SEMA3A: variants seen among roughly 807,000 people sequenced by gnomAD.
SEMA3A encodes the protein semaphorin 3A, also known as semaphorin-3A.
In SEMA3A, 29 loss-of-function variants were observed where a neutral mutation model predicts 97.9. That is an observed-to-expected ratio of 0.30 (90% CI 0.22 to 0.40). The LOEUF is 0.40. Among genes scored for constraint, SEMA3A ranks in the 10% least tolerant of loss-of-function variants. The pLI is 1.00. For synonymous variants in SEMA3A, 321 were observed against 323.7 expected (o/e 0.99, Z 0.09); for missense variants, 763 against 951.3 (o/e 0.80, Z 2.60).
intron 3 of SEMA3A, among the ~76,000 whole-genome samples, chr7:84,123,892 A>G (rs535903591): frequency 6.6e-6 from 1 of 152,074 alleles, no homozygotes; most frequent in East Asian, 1.9e-4. Context: ...CTTTAACAAC[A>G]AAGTCCATTC....
At chr7:84,435,274 C>T (rs974991069) in intron 1 of SEMA3A, among the ~76,000 whole-genome samples, 1 of 151,970 alleles carries the variant, frequency 6.6e-6, no homozygotes, top group Non-Finnish European at 1.5e-5. Flanking sequence ...CACACACACA[C>T]ACACACTACC....
intron 13 of SEMA3A, among the ~76,000 whole-genome samples, chr7:83,984,722 A>T (rs1035068410): frequency 2.0e-5 from 3 of 150,242 alleles, no homozygotes; most frequent in Non-Finnish European, 3.0e-5. Context: ...GTTTACACAT[A>T]TTACACAGTA....
At chr7:84,153,988 T>A (rs1331102308) in intron 1 of SEMA3A, among the ~76,000 whole-genome samples, 2 of 152,044 alleles carry the variant, frequency 1.3e-5, no homozygotes, top group African/African-American at 4.8e-5. Flanking sequence ...AATAAAGGGT[T>A]CCATGAGAAA....
intron 4 of SEMA3A, among the ~76,000 whole-genome samples, chr7:84,062,945 T>C (rs996783068): frequency 1.3e-5 from 2 of 151,942 alleles, no homozygotes; most frequent in African/African-American, 2.4e-5. Context: ...CCTGCCTCTG[T>C]AGGCTCCACC....
At chr7:84,293,244 T>C (rs73711509) in intron 3 of SEMA3A, among the ~76,000 whole-genome samples, 2,683 of 152,208 alleles carry the variant, frequency 0.018, 80 homozygotes, top group African/African-American at 0.062. Context: ...ATCCGTACCC[T>C]ATGCCATGGA....
At chr7:84,277,834 G>A (rs183078961) in intron 3 of SEMA3A, among the ~76,000 whole-genome samples, 14 of 152,156 alleles carry the variant, frequency 9.2e-5, no homozygotes, top group Admixed American at 9.2e-4. Flanking sequence ...GAAATGCCTT[G>A]GAGGCCTTTT....
chr7:84,074,707 G>A (rs563464919), intron 4 of SEMA3A, among the ~76,000 whole-genome samples: 1 of 151,966 alleles, frequency 6.6e-6, no homozygotes, highest in East Asian at 1.9e-4. Context: ...AGCTTTAGAT[G>A]TATAATAATT....
intron 3 of SEMA3A, among the ~76,000 whole-genome samples, chr7:84,294,590 T>C (rs1562890001): frequency 6.6e-6 from 1 of 152,044 alleles, no homozygotes; most frequent in Non-Finnish European, 1.5e-5. Context: ...CATATTTCAT[T>C]GAAAATTTTA....
At chr7:84,463,392 G>A (rs1805910084) in intron 1 of SEMA3A, among the ~76,000 whole-genome samples, 1 of 151,492 alleles carries the variant, frequency 6.6e-6, no homozygotes, top group Non-Finnish European at 1.5e-5. Flanking sequence ...GGGACTACAG[G>A]CACCTGCCAC....
At chr7:84,114,586 T>C (rs1436667611) in intron 3 of SEMA3A, among the ~76,000 whole-genome samples, 1 of 90,604 alleles carries the variant, frequency 1.1e-5, no homozygotes, top group Non-Finnish European at 2.5e-5. Context: ...TGAAAACCCA[T>C]TAATAAGCTT....
intron 1 of SEMA3A, among the ~76,000 whole-genome samples, chr7:84,478,430 A>G (rs1421323709): frequency 6.6e-6 from 1 of 152,192 alleles, no homozygotes; most frequent in Non-Finnish European, 1.5e-5. Context: ...CAACTTTGTA[A>G]TGTTATTTTA....
rs1794867938 is a variant in SEMA3A, at chr7:84,099,090, AGACGGAGTCTC to A, written c.453+11369_453+11379del. On this transcript the variant is annotated intron_variant, in intron 4 of 16. Transcript: ENST00000265362. ...CTTTTTTTTTCTTTTTTTTTTTTTGAGACGGAGTCTCGCTCTGTCGCCCAGGCTGGAGTGCA... is the reference window on the plus strand; with the variant it reads ...CTTTTTTTTTCTTTTTTTTTTTTTGAGCTCTGTCGCCCAGGCTGGAGTGCA... Among the ~76,000 whole-genome samples, 2 of 71,782 alleles carry A rather than the reference AGACGGAGTCTC, an allele frequency of 2.8e-5. 1 individual carries two copies. The highest frequency in any genetic ancestry group is 5.3e-5 in the Non-Finnish European group (2 of 37,614). The allele number at this position is 71,782 out of a possible 152,430, so 47.1% of individuals were successfully genotyped here. A position where few individuals can be genotyped will look rare whatever the true frequency, so the allele number is the denominator to read the frequency against.
Position 84,043,423 on chromosome 7 carries a change from TAAAATAGG to T in SEMA3A, c.667+2893_667+2900del, listed in dbSNP as rs1158522109. 3.3e-5 allele frequency among the ~76,000 whole-genome samples: 5 copies of T among 152,204 alleles called. No homozygotes were observed. The East Asian group carries it at 7.7e-4, about 24-fold the overall frequency. ...CCAGGAACAAAAATTAAAAGTCATCTAAAATAGGTGAACTGATTCTTCCAAAAGAGTTG... is the reference window on the plus strand; with the variant it reads ...CCAGGAACAAAAATTAAAAGTCATCTTGAACTGATTCTTCCAAAAGAGTTG... On this transcript the variant is annotated intron_variant, in intron 6 of 16. Transcript: ENST00000265362.
At chr7:84,472,748 T>A (rs1010025138) in intron 1 of SEMA3A, among the ~76,000 whole-genome samples, 6 of 152,194 alleles carry the variant, frequency 3.9e-5, no homozygotes, top group African/African-American at 1.4e-4. Flanking sequence ...TTTACCATAT[T>A]ATTTCAGAAG....
At chr7:84,012,066 G>A (rs1441904405) in intron 7 of SEMA3A, among the ~76,000 whole-genome samples, 1 of 152,094 alleles carries the variant, frequency 6.6e-6, no homozygotes, top group East Asian at 1.9e-4. Flanking sequence ...TAGAATGGTG[G>A]TTACCAGGGC....
intron 15 of SEMA3A, among the ~76,000 whole-genome samples, chr7:83,975,025 T>C (rs1789087888): frequency 6.6e-6 from 1 of 152,186 alleles, no homozygotes; most frequent in South Asian, 2.1e-4. Flanking sequence ...TTCTTATGGC[T>C]AAGCCATTCT....
chr7:84,300,421 T>G (rs909888572), intron 3 of SEMA3A, among the ~76,000 whole-genome samples: 3 of 152,062 alleles, frequency 2.0e-5, no homozygotes, highest in African/African-American at 7.2e-5. Flanking sequence ...TAATTACACT[T>G]GAAAATATCA....
intron 2 of SEMA3A, among the ~76,000 whole-genome samples, chr7:84,365,255 C>G (rs934328930): frequency 6.6e-6 from 1 of 151,380 alleles, no homozygotes; most frequent in Non-Finnish European, 1.5e-5. Flanking sequence ...TACTCAAGTA[C>G]TCATGTTTGG....
chr7:84,368,740 C>A (rs1351262530), intron 2 of SEMA3A, among the ~76,000 whole-genome samples: 1 of 150,534 alleles, frequency 6.6e-6, no homozygotes, highest in Non-Finnish European at 1.5e-5. Flanking sequence ...ATTTATCTCA[C>A]CTTGATTATT....
Sources: gnomAD v4.1 joint callset for allele counts (sites outside exome capture counted in the v4.1 genomes callset) on GRCh38, gnomAD v4.1.1 for gene constraint, MANE v1.5 for transcripts, NCBI Gene and HGNC (gene_info 2026-07-23, HGNC 2026-07-21) for gene names.